Variants in CUBN observed in about 807,000 individuals in gnomAD.
CUBN encodes cubilin, also known as 460 kDa receptor.
A neutral mutation model predicts 405.3 loss-of-function variants in CUBN; 282 were observed. The observed-to-expected ratio is 0.70, with a 90% CI of 0.63 to 0.77. The LOEUF is 0.77. Ranked by LOEUF, CUBN falls within the 30% of genes least tolerant of loss-of-function variation. CUBN has a pLI of 0.00. For synonymous variants in CUBN, 1,684 were observed against 1,617.0 expected, an observed-to-expected ratio of 1.04 and a Z score of -0.99; for missense variants, 4,514 against 4,475.2, an observed-to-expected ratio of 1.01 and a Z score of -0.25.
chr10:17,113,900 G>A, intron 8 of CUBN, 127 bp downstream of exon 8: 1 of 917,852 alleles, frequency 1.1e-6, no homozygotes, highest in Non-Finnish European at 1.7e-6. Context: ...AGCAGAACCA[G>A]GACACAAAAC....
Position 16,939,018 on chromosome 10 carries a change from C to T in CUBN, c.5678G>A (p.Arg1893Lys), listed in dbSNP as rs1201808645. 1 of 1,613,880 alleles carries T rather than the reference C, an allele frequency of 6.2e-7. No individual in the cohort carries two copies. Among genetic ancestry groups the T allele is most frequent in the Non-Finnish European group, 8.5e-7 (1 of 1,179,816 alleles). ...TTCTTCTATGTCCATCTCCAAGATT[C>T]TACCATGGACAACGTGAGATGCATT... ...NVNASHVVHGRILEMDIEEIQ... is the reference protein window; with the variant it reads ...NVNASHVVHGKILEMDIEEIQ... Residue 1893 changes from arginine to lysine, a missense_variant, in exon 38 of 67, where the codon AGA (arginine) becomes AAA (lysine). Around this residue, in one of 5 missense-constraint regions of CUBN, gnomAD observed 1,613 missense variants for 1,542.8 expected, o/e 1.05. Coordinates refer to ENST00000377833, the MANE Select transcript of CUBN (RefSeq NM_001081.4).
chr10:16,850,986 G>A (rs1839668557), intron 60 of CUBN, among the ~76,000 whole-genome samples: 1 of 152,152 alleles, frequency 6.6e-6, no homozygotes, highest in South Asian at 2.1e-4. Context: ...TGATGAATAG[G>A]AGATTTAAAT....
chr10:16,870,690 G>A (rs1390874859), intron 58 of CUBN, among the ~76,000 whole-genome samples: 1 of 152,238 alleles, frequency 6.6e-6, no homozygotes, highest in African/African-American at 2.4e-5. Context: ...GGATGACCAC[G>A]ATGAGCAGAG....
intron 59 of CUBN, among the ~76,000 whole-genome samples, chr10:16,867,698 G>T (rs1048193341): frequency 6.6e-6 from 1 of 152,154 alleles, no homozygotes; most frequent in Admixed American, 6.5e-5. Flanking sequence ...CCCTAACTGT[G>T]GCCAGAGGAA....
At chr10:16,903,123 G>C (rs1247247795) in intron 51 of CUBN, among the ~76,000 whole-genome samples, 2 of 152,102 alleles carry the variant, frequency 1.3e-5, no homozygotes, top group Non-Finnish European at 2.9e-5. Context: ...AGAAATGCAA[G>C]GATGGTTTAC....
rs777885400 is a variant in CUBN, at chr10:16,928,179, G to C, written c.6249C>G (p.Gly2083=). 17 of 1,613,790 alleles carry C rather than the reference G, an allele frequency of 1.1e-5. No individual in the cohort carries two copies. Among genetic ancestry groups the C allele is most frequent in the Non-Finnish European group, 1.4e-5 (16 of 1,179,874 alleles). ...TACTCTTGTGAAAGGATGCATTGAAGCCTGCCCTGGTTACACTGGAGTCCG... is the reference window on the plus strand; with the variant it reads ...TACTCTTGTGAAAGGATGCATTGAACCCTGCCCTGGTTACACTGGAGTCCG... ...FTSDSSVTRA[G]FNASFHKSCG... Residue 2083 remains glycine (G), a synonymous_variant, in exon 41 of 67, where the codon GGC becomes GGG. Transcript: ENST00000377833.
Position 17,085,675 on chromosome 10 carries a change from G to A in CUBN, c.2032C>T (p.Pro678Ser), listed in dbSNP as rs1348130743. ...GAATGGAAGTGAATTCTGGCAAAGG[G>A]GCCAGTAGTCTGGAGCGGTGGGACA... ...FSVPPLQTTG[P>S]FARIHFHSDS... The change falls in exon 16 of 67, where the codon CCC (proline) becomes TCC (serine). Residue 678 changes from proline (P) to serine (S), a missense_variant. This residue lies in a region of CUBN where 1,448 missense variants were observed against 1,388.0 expected (regional missense o/e 1.04). Coordinates refer to ENST00000377833, the MANE Select transcript of CUBN (RefSeq NM_001081.4). The A allele has an allele frequency of 6.2e-7, 1 of 1,613,874 alleles. No individual in the cohort carries two copies. Among genetic ancestry groups the A allele is most frequent in the African/African-American group, 1.3e-5 (1 of 74,890 alleles).
intron 22 of CUBN, among the ~76,000 whole-genome samples, chr10:17,063,789 A>C (rs1835553428): frequency 6.6e-6 from 1 of 152,232 alleles, no homozygotes; most frequent in South Asian, 2.1e-4. Context: ...TCTAAGATAC[A>C]GCCAGTTTAT....
At chr10:16,949,165 G>A (rs1329315358) in intron 34 of CUBN, among the ~76,000 whole-genome samples, 4 of 152,188 alleles carry the variant, frequency 2.6e-5, no homozygotes, top group Non-Finnish European at 5.9e-5. Context: ...AGTACTCAGC[G>A]CAAGGTATTG....
chr10:17,077,624 G>A (rs1247128808), intron 17 of CUBN, among the ~76,000 whole-genome samples: 5 of 152,174 alleles, frequency 3.3e-5, no homozygotes, highest in Non-Finnish European at 4.4e-5. Context: ...GAACCACACC[G>A]TATGGTAGTG....
chr10:17,008,429 C>CGTGT (rs59235819), intron 28 of CUBN, among the ~76,000 whole-genome samples: 3,469 of 131,530 alleles, frequency 0.026, 128 homozygotes, highest in African/African-American at 0.081. Context: ...AATCCCTGCT[C>CGTGT]GTGTGTGTGT....
chr10:17,031,115 T>A (rs1036906496), intron 27 of CUBN, among the ~76,000 whole-genome samples: 1 of 152,156 alleles, frequency 6.6e-6, no homozygotes, highest in South Asian at 2.1e-4. Context: ...TGGACAAAAA[T>A]TGTTGGTTTT....
chr10:16,885,621 C>T (rs771634443), intron 56 of CUBN, among the ~76,000 whole-genome samples: 1 of 116,342 alleles, frequency 8.6e-6, no homozygotes, highest in Admixed American at 1.0e-4. Context: ...CTGAGATATT[C>T]CAGGGCTGCT....
intron 22 of CUBN, among the ~76,000 whole-genome samples, chr10:17,056,845 A>G (rs1355081194): frequency 6.7e-6 from 1 of 150,168 alleles, no homozygotes; most frequent in Non-Finnish European, 1.5e-5. Context: ...AATATACAAC[A>G]TATGACTCAT....
intron 28 of CUBN, among the ~76,000 whole-genome samples, chr10:17,017,809 G>T (rs942168375): frequency 6.6e-6 from 1 of 152,128 alleles, no homozygotes; most frequent in African/African-American, 2.4e-5. Context: ...ACAGAGACAG[G>T]GAGTGGTTTT....
intron 6 of CUBN, 37 bp from the exon 7 acceptor site, chr10:17,115,634 G>A (rs927471258): frequency 8.1e-6 from 13 of 1,612,490 alleles, no homozygotes; most frequent in Admixed American, 6.7e-5. Flanking sequence ...CAGGGCACGC[G>A]CTTTGGGGCC....
intron 51 of CUBN, among the ~76,000 whole-genome samples, chr10:16,902,322 T>C (rs1214128010): frequency 7.0e-6 from 1 of 143,748 alleles, no homozygotes; most frequent in East Asian, 2.0e-4. Flanking sequence ...TATATATTTG[T>C]ATATATATAT....
chr10:16,842,692 T>C (rs973747933), intron 60 of CUBN, among the ~76,000 whole-genome samples: 1 of 152,232 alleles, frequency 6.6e-6, no homozygotes, highest in Non-Finnish European at 1.5e-5. Flanking sequence ...GTCTGCAAAC[T>C]CCAATGAGGT....
chr10:17,005,214 C>T (rs1405772590), intron 28 of CUBN, among the ~76,000 whole-genome samples: 2 of 152,146 alleles, frequency 1.3e-5, no homozygotes, highest in Admixed American at 6.5e-5. Flanking sequence ...ACGTGTCCTG[C>T]GTCAACTTCT....
Sources: gnomAD v4.1 joint callset for allele counts (sites outside exome capture counted in the v4.1 genomes callset) on GRCh38, gnomAD v4.1.1 for gene constraint, gnomAD v4.1.1 regional missense constraint, MANE v1.5 for transcripts, NCBI Gene and HGNC (gene_info 2026-07-23, HGNC 2026-07-21) for gene names.